The following BNC2 variants were observed in gnomAD, a reference collection of about 807,000 sequenced individuals.
BNC2 encodes basonuclin zinc finger protein 2, also known as zinc finger protein basonuclin-2.
In BNC2, 20 loss-of-function variants were observed where a neutral mutation model predicts 76.3. The observed-to-expected ratio is 0.26, with a 90% confidence interval of 0.18 to 0.38. The LOEUF (loss-of-function observed/expected upper bound fraction) is 0.38. Among genes scored for constraint, BNC2 ranks in the 10% least tolerant of loss-of-function variants. The pLI, the probability that BNC2 is intolerant of heterozygous loss-of-function variation, is 1.00. For synonymous variants in BNC2, 582 were observed against 514.8 expected, an observed-to-expected ratio of 1.13 and a Z score of -1.77; for missense variants, 1,382 against 1,399.8, an observed-to-expected ratio of 0.99 and a Z score of 0.20.
intron 3 of BNC2, among the ~76,000 whole-genome samples, chr9:16,606,948 C>T (rs550850104): frequency 2.6e-5 from 4 of 152,028 alleles, no homozygotes; most frequent in South Asian, 4.2e-4. Context: ...TGCTTCTAAA[C>T]GGACTAACAC....
At chr9:16,512,321 ATT>A (rs1167529201) in intron 5 of BNC2, among the ~76,000 whole-genome samples, 2 of 152,220 alleles carry the variant, frequency 1.3e-5, no homozygotes, top group Non-Finnish European at 2.9e-5. Flanking sequence ...TTAAAAAGTT[ATT>A]GTTACTGAGG....
intron 6 of BNC2, among the ~76,000 whole-genome samples, chr9:16,421,688 T>TC (rs1412651302): frequency 6.6e-6 from 1 of 152,206 alleles, no homozygotes; most frequent in African/African-American, 2.4e-5. Flanking sequence ...GGCAGATGAC[T>TC]CCAAGTGCAG....
intron 1 of BNC2, among the ~76,000 whole-genome samples, chr9:16,764,119 T>C (rs187666558): frequency 6.6e-6 from 1 of 152,364 alleles, no homozygotes; most frequent in East Asian, 1.9e-4. Flanking sequence ...TAATTCTGTT[T>C]AGGAACTTTA....
intron 3 of BNC2, among the ~76,000 whole-genome samples, chr9:16,678,140 T>G (rs111973359): frequency 1.3e-5 from 2 of 151,444 alleles, no homozygotes; most frequent in African/African-American, 4.8e-5. Flanking sequence ...TGACAGTGAA[T>G]AAGAAAGGCA....
At chr9:16,467,621 G>A (rs948602112) in intron 5 of BNC2, among the ~76,000 whole-genome samples, 10 of 142,672 alleles carry the variant, frequency 7.0e-5, no homozygotes, top group African/African-American at 2.1e-4. Context: ...TCATAGGTGG[G>A]AACTGAACAA....
chr9:16,462,265 C>T (rs975600763), intron 5 of BNC2, among the ~76,000 whole-genome samples: 2 of 152,134 alleles, frequency 1.3e-5, no homozygotes, highest in Non-Finnish European at 2.9e-5. Flanking sequence ...CATGACATGC[C>T]GACATCAATT....
intron 5 of BNC2, among the ~76,000 whole-genome samples, chr9:16,447,041 T>G (rs1224832846): frequency 1.3e-5 from 2 of 152,156 alleles, no homozygotes; most frequent in East Asian, 1.9e-4. Context: ...TTCCAAAGTA[T>G]TTTTCAAGTT....
At chr9:16,548,071 G>A (rs113367051) in intron 5 of BNC2, among the ~76,000 whole-genome samples, 3 of 152,138 alleles carry the variant, frequency 2.0e-5, no homozygotes, top group Non-Finnish European at 2.9e-5. Flanking sequence ...TTCTTATAAG[G>A]CTGTTGACAT....
At chr9:16,424,382 T>A (rs1057187564) in intron 6 of BNC2, among the ~76,000 whole-genome samples, 2 of 152,122 alleles carry the variant, frequency 1.3e-5, no homozygotes, top group African/African-American at 2.4e-5. Context: ...TTAATCAGAT[T>A]TGAGACATTC....
chr9:16,570,082 T>C (rs2132828636), intron 4 of BNC2, among the ~76,000 whole-genome samples: 1 of 152,298 alleles, frequency 6.6e-6, no homozygotes, highest in African/African-American at 2.4e-5. Flanking sequence ...CCCCCAGTTA[T>C]TCACTTTAAA....
chr9:16,761,967 A>C (rs1825563528), intron 1 of BNC2, among the ~76,000 whole-genome samples: 1 of 152,228 alleles, frequency 6.6e-6, no homozygotes, highest in African/African-American at 2.4e-5. Context: ...AAAGTACCAA[A>C]AATTAAAAAG....
chr9:16,557,844 G>GTT (rs111731772), intron 4 of BNC2, among the ~76,000 whole-genome samples: 4 of 145,838 alleles, frequency 2.7e-5, no homozygotes, highest in Non-Finnish European at 4.5e-5. Context: ...TTTCTTTTCT[G>GTT]TTTTTTTTTT....
chr9:16,442,895 C>G (rs964963860), intron 5 of BNC2, among the ~76,000 whole-genome samples: 2 of 151,764 alleles, frequency 1.3e-5, no homozygotes, highest in Non-Finnish European at 2.9e-5. Context: ...CACCTGGGGT[C>G]AGGAATTCAA....
At chr9:16,581,984 G>T (rs1207952017) in intron 4 of BNC2, among the ~76,000 whole-genome samples, 1 of 152,060 alleles carries the variant, frequency 6.6e-6, no homozygotes, top group Non-Finnish European at 1.5e-5. Flanking sequence ...CACAAGCAAG[G>T]TACATGATAA....
At chr9:16,807,808 G>T (rs1817948765) in intron 1 of BNC2, among the ~76,000 whole-genome samples, 1 of 152,102 alleles carries the variant, frequency 6.6e-6, no homozygotes, top group African/African-American at 2.4e-5. Flanking sequence ...TTATCTTTCT[G>T]TCTAGAATGC....
intron 1 of BNC2, among the ~76,000 whole-genome samples, chr9:16,854,482 C>T (rs1463643536): frequency 6.6e-6 from 1 of 152,184 alleles, no homozygotes; most frequent in Non-Finnish European, 1.5e-5. Flanking sequence ...AGATATTTCT[C>T]TATAAGGCAT....
At chr9:16,806,096 G>A in intron 1 of BNC2, among the ~76,000 whole-genome samples, 1 of 152,190 alleles carries the variant, frequency 6.6e-6, no homozygotes, top group East Asian at 1.9e-4. Context: ...GGAGAATACT[G>A]AAGATTAAAC....
rs545090363 is a variant in BNC2, at chr9:16,585,519, C to A, written c.331-2434G>T. Among the ~76,000 whole-genome samples, 5 of 152,018 alleles carry A rather than the reference C, an allele frequency of 3.3e-5. No homozygotes were observed. The East Asian group carries it at 9.7e-4, about 29-fold the overall frequency. On this transcript the variant is annotated intron_variant, in intron 3 of 6. Coordinates refer to ENST00000380672, the MANE Select transcript of BNC2 (RefSeq NM_017637.6). ...CAGATTTATATAGACTACAATTTTC[C>A]CTTAAGAGAATTATATATATTTAAA...
chr9:16,575,351 T>G (rs570611303), intron 4 of BNC2: 59 of 985,252 alleles, frequency 6.0e-5, no homozygotes, highest in African/African-American at 1.7e-5. Flanking sequence ...CAGCAGTGAC[T>G]ACACTGGAGG....
Sources: allele counts gnomAD v4.1 joint callset (sites outside exome capture counted in the v4.1 genomes callset), GRCh38; gene constraint gnomAD v4.1.1; transcripts MANE v1.5; gene names NCBI Gene and HGNC (gene_info 2026-07-23, HGNC 2026-07-21).